The following KCNH7 variants were observed in gnomAD, a reference collection of about 807,000 sequenced individuals.
The protein encoded by KCNH7 is voltage-gated inwardly rectifying potassium channel KCNH7.
In KCNH7, 49 loss-of-function variants were observed where a neutral mutation model predicts 120.8. The ratio of observed to expected loss-of-function variants is 0.41; its 90% CI spans 0.32 to 0.51. The LOEUF (loss-of-function observed/expected upper bound fraction) is 0.51. KCNH7 is among the 20% of genes least tolerant of loss of function. KCNH7 has a pLI of 0.38. For missense variants in KCNH7, 1,097 were observed against 1,446.6 expected (o/e 0.76, Z 3.92); for synonymous variants, 547 against 516.1 (o/e 1.06, Z -0.81).
At chr2:162,781,238 A>G (rs1254967208) in intron 2 of KCNH7, among the ~76,000 whole-genome samples, 1 of 152,088 alleles carries the variant, frequency 6.6e-6, no homozygotes, top group Non-Finnish European at 1.5e-5. Context: ...GTATTAGCTC[A>G]TCTCATCCCC....
intron 15 of KCNH7, 52 bp downstream of exon 15, chr2:162,373,418 C>A: frequency 2.3e-6 from 3 of 1,283,274 alleles, no homozygotes; most frequent in South Asian, 2.1e-5. Context: ...TTAGGTGACC[C>A]CTGGAAACAC....
intron 10 of KCNH7, among the ~76,000 whole-genome samples, chr2:162,398,705 T>G (rs1686987523): frequency 6.6e-6 from 1 of 151,902 alleles, no homozygotes; most frequent in South Asian, 2.1e-4. Context: ...GCAAGAAAGC[T>G]TATTACCTTC....
At chr2:162,386,260 C>T (rs997136909) in intron 12 of KCNH7, among the ~76,000 whole-genome samples, 8 of 151,840 alleles carry the variant, frequency 5.3e-5, no homozygotes, top group Non-Finnish European at 2.9e-5. Flanking sequence ...AGCCTTTTCT[C>T]TTCAGTGTCA....
At chr2:162,481,356 T>A (rs1244303455) in intron 6 of KCNH7, among the ~76,000 whole-genome samples, 1 of 152,170 alleles carries the variant, frequency 6.6e-6, no homozygotes, top group Admixed American at 6.6e-5. Flanking sequence ...ACTTTACAAA[T>A]TAGGAATCCA....
intron 2 of KCNH7, among the ~76,000 whole-genome samples, chr2:162,538,315 G>A (rs573739816): frequency 6.6e-6 from 1 of 152,172 alleles, no homozygotes; most frequent in South Asian, 2.1e-4. Flanking sequence ...GTGGCCCAGG[G>A]AAACCAAAAG....
intron 2 of KCNH7, among the ~76,000 whole-genome samples, chr2:162,645,666 T>A (rs1684332718): frequency 6.6e-6 from 1 of 152,200 alleles, no homozygotes; most frequent in Admixed American, 6.5e-5. Flanking sequence ...ATTTCTCCCC[T>A]ACTTTCCTAG....
chr2:162,561,053 T>A (rs1248149778), intron 2 of KCNH7, among the ~76,000 whole-genome samples: 1 of 22,106 alleles, frequency 4.5e-5, no homozygotes, highest in African/African-American at 7.8e-4. Flanking sequence ...TGAAATAACC[T>A]TTTTTTTTTT....
At chr2:162,794,468 A>G (rs1684067588) in intron 2 of KCNH7, among the ~76,000 whole-genome samples, 2 of 152,070 alleles carry the variant, frequency 1.3e-5, no homozygotes, top group Non-Finnish European at 2.9e-5. Context: ...AGATGCTAAA[A>G]CATTGGAGAA....
At chr2:162,550,733 A>T (rs1364855285) in intron 2 of KCNH7, among the ~76,000 whole-genome samples, 1 of 152,112 alleles carries the variant, frequency 6.6e-6, no homozygotes, top group Non-Finnish European at 1.5e-5. Context: ...ATCCTGAGTG[A>T]TACAGGATAA....
intron 9 of KCNH7, among the ~76,000 whole-genome samples, chr2:162,410,958 G>A (rs1687374919): frequency 6.6e-6 from 1 of 152,064 alleles, no homozygotes; most frequent in Admixed American, 6.6e-5. Flanking sequence ...AATAGATATT[G>A]GTGAGGTTGT....
At chr2:162,441,278 A>G (rs1688407433) in intron 7 of KCNH7, among the ~76,000 whole-genome samples, 1 of 152,186 alleles carries the variant, frequency 6.6e-6, no homozygotes. Context: ...AATGATATCT[A>G]TTATAAAGAT....
intron 2 of KCNH7, among the ~76,000 whole-genome samples, chr2:162,656,205 T>C (rs1372416853): frequency 2.0e-5 from 3 of 152,224 alleles, no homozygotes; most frequent in African/African-American, 7.2e-5. Context: ...ACATGATGCC[T>C]GTTTTTCTAG....
chr2:162,789,367 T>C (rs1208812959), intron 2 of KCNH7, among the ~76,000 whole-genome samples: 2 of 151,822 alleles, frequency 1.3e-5, no homozygotes, highest in Non-Finnish European at 1.5e-5. Flanking sequence ...AAAGCAAAAA[T>C]TGATATAACT....
At chr2:162,423,086 G>A (rs1257442027) in intron 9 of KCNH7, among the ~76,000 whole-genome samples, 1 of 152,116 alleles carries the variant, frequency 6.6e-6, no homozygotes, top group Non-Finnish European at 1.5e-5. Context: ...CCAGAAGTGG[G>A]AACTCTACTA....
At chr2:162,488,013 T>C (rs1690158663) in intron 6 of KCNH7, among the ~76,000 whole-genome samples, 1 of 152,204 alleles carries the variant, frequency 6.6e-6, no homozygotes, top group Non-Finnish European at 1.5e-5. Flanking sequence ...CCTTGAACTA[T>C]GTGTTTGTCC....
intron 2 of KCNH7, among the ~76,000 whole-genome samples, chr2:162,601,525 G>A (rs1449853068): frequency 7.0e-6 from 1 of 143,872 alleles, no homozygotes; most frequent in African/African-American, 2.5e-5. Context: ...GTAGTTAAAT[G>A]TCATGTTCCC....
chr2:162,522,694 G>A (rs1691573858), intron 3 of KCNH7, among the ~76,000 whole-genome samples: 1 of 151,762 alleles, frequency 6.6e-6, no homozygotes, highest in South Asian at 2.1e-4. Context: ...CAATAAATGT[G>A]AAATAAGAGA....
chr2:162,384,401 T>C (rs1229313332), intron 13 of KCNH7, among the ~76,000 whole-genome samples: 2 of 151,874 alleles, frequency 1.3e-5, no homozygotes, highest in Non-Finnish European at 2.9e-5. Flanking sequence ...TCTCTCCCCA[T>C]TGAAATTACT....
At chr2:162,400,956 G>T (rs907240487) in intron 9 of KCNH7, among the ~76,000 whole-genome samples, 1 of 151,856 alleles carries the variant, frequency 6.6e-6, no homozygotes, top group African/African-American at 2.4e-5. Flanking sequence ...TGTGCTATTA[G>T]TTTACAGTAT....
Sources: gnomAD v4.1 joint callset for allele counts (sites outside exome capture counted in the v4.1 genomes callset) on GRCh38, gnomAD v4.1.1 for gene constraint, MANE v1.5 for transcripts, NCBI Gene and HGNC (gene_info 2026-07-23, HGNC 2026-07-21) for gene names.